RGS22: variants seen among roughly 807,000 people sequenced by gnomAD.
The protein encoded by RGS22 is regulator of G-protein signaling 22.
In RGS22, 148 loss-of-function variants were observed where a neutral mutation model predicts 172.9. That is an observed-to-expected ratio of 0.86 (90% CI 0.75 to 0.98). The LOEUF (loss-of-function observed/expected upper bound fraction) is 0.98. Ranked by LOEUF, RGS22 falls within the 50% of genes least tolerant of loss-of-function variation. The pLI is 0.00. For missense variants in RGS22, 1,347 were observed against 1,440.8 expected (o/e 0.93, Z 1.05); for synonymous variants, 458 against 480.2 (o/e 0.95, Z 0.60).
At chr8:99,963,994 T>C (rs1007059866) in intron 24 of RGS22, among the ~76,000 whole-genome samples, 2 of 152,196 alleles carry the variant, frequency 1.3e-5, no homozygotes, top group Non-Finnish European at 2.9e-5. Context: ...TTTCTAAAAG[T>C]TTTTTAGTTT....
At chr8:99,966,124 TTTAA>T (rs1291804125) in intron 23 of RGS22, among the ~76,000 whole-genome samples, 51 of 152,322 alleles carry the variant, frequency 3.3e-4, no homozygotes, top group African/African-American at 1.1e-3. Flanking sequence ...TCATAGATAA[TTTAA>T]TTAACAACAC....
chr8:100,014,569 T>C (rs1287710886), intron 14 of RGS22, among the ~76,000 whole-genome samples: 3 of 152,208 alleles, frequency 2.0e-5, no homozygotes, highest in Non-Finnish European at 4.4e-5. Flanking sequence ...CTGCTTATTA[T>C]CTCCTCTCTC....
At position 100,005,447 on chromosome 8, in the gene RGS22, A is replaced by G. The variant is rs536170983; in HGVS notation, c.2454+570T>C. Among the ~76,000 whole-genome samples the G allele has an allele frequency of 3.9e-5, 6 of 152,256 alleles. No individual in the cohort carries two copies. The East Asian group carries it at 1.2e-3, about 29-fold the overall frequency. On this transcript the variant is annotated intron_variant, in intron 16 of 27. Coordinates refer to ENST00000360863, the MANE Select transcript of RGS22 (RefSeq NM_015668.5). ...TCAATTAACTGTCATTTTTATGTAG[A>G]TGCACAAATTTAATTTTATGGCTTT... is the stretch of plus-strand genomic sequence containing the variant.
At chr8:99,990,220 T>G (rs1563582186) in intron 20 of RGS22, among the ~76,000 whole-genome samples, 1 of 152,126 alleles carries the variant, frequency 6.6e-6, no homozygotes, top group Non-Finnish European at 1.5e-5. Context: ...GATAATGAGC[T>G]ATGATCATAC....
chr8:100,058,152 T>G (rs1415635987), intron 9 of RGS22, among the ~76,000 whole-genome samples: 1 of 141,902 alleles, frequency 7.0e-6, no homozygotes, highest in African/African-American at 2.7e-5. Context: ...ACAGGCTATT[T>G]GAAAATACAC....
intron 20 of RGS22, among the ~76,000 whole-genome samples, chr8:99,995,863 A>G (rs1814304900): frequency 6.6e-6 from 1 of 152,204 alleles, no homozygotes; most frequent in African/African-American, 2.4e-5. Flanking sequence ...AACTAACCCA[A>G]ATGTCCATAA....
intron 14 of RGS22, among the ~76,000 whole-genome samples, chr8:100,035,959 G>A (rs1819411672): frequency 6.6e-6 from 1 of 152,128 alleles, no homozygotes; most frequent in South Asian, 2.1e-4. Flanking sequence ...GGCCTGTTGT[G>A]GAGTGGGGGG....
At chr8:99,998,390 T>C (rs1588939806) in intron 19 of RGS22, among the ~76,000 whole-genome samples, 1 of 130,492 alleles carries the variant, frequency 7.7e-6, no homozygotes, top group Non-Finnish European at 1.8e-5. Flanking sequence ...ACAACTAATA[T>C]GTGGCAGTGT....
chr8:100,053,859 C>T (rs1001777346), intron 9 of RGS22, among the ~76,000 whole-genome samples: 6 of 152,142 alleles, frequency 3.9e-5, no homozygotes, highest in African/African-American at 1.4e-4. Context: ...TGGTCTTGAT[C>T]TCCAGACCTT....
intron 21 of RGS22, among the ~76,000 whole-genome samples, 167 bp downstream of exon 21, chr8:99,987,291 C>G (rs1308589878): frequency 2.0e-5 from 3 of 152,072 alleles, no homozygotes; most frequent in Admixed American, 6.6e-5. Context: ...ATAAATGTAT[C>G]TAGAGATTGG....
At chr8:100,028,959 G>A (rs1202196101) in intron 14 of RGS22, among the ~76,000 whole-genome samples, 1 of 152,130 alleles carries the variant, frequency 6.6e-6, no homozygotes, top group Non-Finnish European at 1.5e-5. Context: ...AGATAGCAAT[G>A]CCTGTCTTGC....
intron 17 of RGS22, among the ~76,000 whole-genome samples, chr8:100,003,706 T>A (rs1183118229): frequency 6.6e-6 from 1 of 152,170 alleles, no homozygotes; most frequent in Non-Finnish European, 1.5e-5. Context: ...AGTATCAACA[T>A]ATGTAACCAC....
chr8:100,005,452 C>T (rs1477408515), intron 16 of RGS22, among the ~76,000 whole-genome samples: 1 of 152,050 alleles, frequency 6.6e-6, no homozygotes, highest in Admixed American at 6.6e-5. Flanking sequence ...TGTAGATGCA[C>T]AAATTTAATT....
chr8:99,975,799 T>C (rs2131163931), intron 23 of RGS22, among the ~76,000 whole-genome samples: 1 of 152,266 alleles, frequency 6.6e-6, no homozygotes, highest in South Asian at 2.1e-4. Context: ...CCTCCTTCCC[T>C]GGCTTGCCAA....
rs117601895 is a variant in RGS22 at position 100,105,855 on chromosome 8, C to A, written c.25+42G>T. The A allele has an allele frequency of 1.4e-4, 204 of 1,485,064 alleles. 1 individual carries two copies. The East Asian group carries it at 3.3e-3, about 24-fold the overall frequency. The allele number at this position is 1,485,064 out of a possible 1,614,324, so 92.0% of individuals were successfully genotyped here. On this transcript the variant is annotated intron_variant, in intron 1 of 27. Coordinates refer to ENST00000360863, the MANE Select transcript of RGS22 (RefSeq NM_015668.5). ...AGGCTGGCGCGTGGTGCGGCCCCGA[C>A]GCCGCGGGCTGATCCTCTGTCCCTG...
chr8:100,085,308 C>A (rs1338118233), intron 3 of RGS22, among the ~76,000 whole-genome samples: 2 of 151,836 alleles, frequency 1.3e-5, no homozygotes, highest in Non-Finnish European at 2.9e-5. Context: ...ATTGAGTGAG[C>A]CAATACAGGG....
intron 14 of RGS22, among the ~76,000 whole-genome samples, chr8:100,012,262 C>A (rs1002470800): frequency 2.0e-5 from 3 of 151,914 alleles, no homozygotes; most frequent in Admixed American, 2.0e-4. Flanking sequence ...TATCAAAGAA[C>A]CAGTGATTAA....
chr8:100,049,705 TGG>T (rs1821080215), intron 10 of RGS22, among the ~76,000 whole-genome samples: 1 of 152,168 alleles, frequency 6.6e-6, no homozygotes, highest in Admixed American at 6.6e-5. Context: ...ACTTAAAATG[TGG>T]TCCCCAAAGC....
intron 4 of RGS22, among the ~76,000 whole-genome samples, chr8:100,078,288 G>C (rs985327134): frequency 3.3e-5 from 5 of 151,674 alleles, no homozygotes; most frequent in African/African-American, 7.3e-5. Context: ...ACCCAGGCTG[G>C]AGTGCAGTGG....
Sources: gnomAD v4.1 joint callset for allele counts (sites outside exome capture counted in the v4.1 genomes callset) on GRCh38, gnomAD v4.1.1 for gene constraint, MANE v1.5 for transcripts, NCBI Gene and HGNC (gene_info 2026-07-23, HGNC 2026-07-21) for gene names.